CFAP97D2: variants seen among roughly 807,000 people sequenced by gnomAD.
CFAP97D2 encodes uncharacterized protein CFAP97D2.
At chr13:114,212,193 ATTC>A (rs2080970158) in intron 4 of CFAP97D2, 1 of 397,600 alleles carries the variant, frequency 2.5e-6, no homozygotes, top group South Asian at 1.4e-4. Flanking sequence ...GTACTCACTC[ATTC>A]TTTGCCGTAT....
chr13:114,180,645 T>C (rs1406090444), intron 1 of CFAP97D2, among the ~76,000 whole-genome samples: 1 of 152,232 alleles, frequency 6.6e-6, no homozygotes, highest in Non-Finnish European at 1.5e-5. Context: ...CGATGTTCTC[T>C]GCACGTAGAG....
intron 1 of CFAP97D2, among the ~76,000 whole-genome samples, chr13:114,195,132 A>C (rs1274610530): frequency 6.6e-6 from 1 of 152,186 alleles, no homozygotes; most frequent in Non-Finnish European, 1.5e-5. Context: ...GGCATGCTGC[A>C]GGCCCAGGTC....
intron 4 of CFAP97D2, among the ~76,000 whole-genome samples, chr13:114,218,557 C>T (rs1166589246): frequency 1.3e-5 from 2 of 152,084 alleles, no homozygotes; most frequent in Admixed American, 6.5e-5. Flanking sequence ...AAAAAAGAGC[C>T]CACATTGCAA....
chr13:114,180,590 T>C (rs2080828651), intron 1 of CFAP97D2, among the ~76,000 whole-genome samples: 1 of 152,224 alleles, frequency 6.6e-6, no homozygotes, highest in Non-Finnish European at 1.5e-5. Context: ...TGTTCATTAC[T>C]TGTGTTGTTT....
intron 2 of CFAP97D2, chr13:114,199,874 CGATGAG>C (rs1469921387): frequency 0.18 from 1,033 of 5,762 alleles, 448 homozygotes; most frequent in Non-Finnish European, 0.2. Context: ...TTACGGTCCC[CGATGAG>C]GCGTGACGGC....
Position 114,185,895 on chromosome 13 carries a change from C to G in CFAP97D2, c.90+6475C>G, listed in dbSNP as rs191269858. Among the ~76,000 whole-genome samples, 4 of 152,364 alleles carry G rather than the reference C, an allele frequency of 2.6e-5. No individual in the cohort carries two copies. In the East Asian group the frequency reaches 7.7e-4, roughly 29 times the overall value. On this transcript the variant is annotated intron_variant, in intron 1 of 4. Coordinates refer to ENST00000646158, the Ensembl canonical transcript of CFAP97D2. This position sits in a 1 kb window ranked among gnomAD's most constrained non-coding sequence, Gnocchi z 5.2. ...AACAGCAACAGGAGGCAGACGGACTCCTGGGCAGAAGGGGTCAGGTTCCTG... is the reference window on the plus strand; with the variant it reads ...AACAGCAACAGGAGGCAGACGGACTGCTGGGCAGAAGGGGTCAGGTTCCTG...
At chr13:114,210,796 A>G (rs1384051513) in intron 3 of CFAP97D2, among the ~76,000 whole-genome samples, 1 of 151,056 alleles carries the variant, frequency 6.6e-6, no homozygotes, top group East Asian at 2.0e-4. Context: ...CCAGGCTGCC[A>G]ACAGTGCCTC....
rs562469091 is a variant in CFAP97D2, at chr13:114,216,154, C to T, written c.480+4053C>T. ...TGCTGGCTTTGCCCTTGTGAAATCA[C>T]AGCCCCACAGGTGTGCTTCTCCCAG... On this transcript the variant is annotated intron_variant, in intron 4 of 4. Transcript: ENST00000646158. Among the ~76,000 whole-genome samples the T allele has an allele frequency of 7.6e-4, 116 of 152,314 alleles. No individual in the cohort carries two copies. The South Asian group carries it at 8.1e-3, about 11-fold the overall frequency.
chr13:114,193,698 G>T (rs1052974575), intron 1 of CFAP97D2, among the ~76,000 whole-genome samples: 2 of 152,184 alleles, frequency 1.3e-5, no homozygotes, highest in Admixed American at 6.5e-5. Context: ...ATCTTAGACT[G>T]TTTGGGCTGC....
At position 114,203,643 on chromosome 13, in the gene CFAP97D2, A is replaced by T. The variant is rs941177196; in HGVS notation, c.290+3200A>T. Among the ~76,000 whole-genome samples, 1 of 152,212 alleles carries T rather than the reference A, an allele frequency of 6.6e-6. No individual in the cohort carries two copies. Among genetic ancestry groups the T allele is most frequent in the African/African-American group, 2.4e-5 (1 of 41,458 alleles). On this transcript the variant is annotated intron_variant, in intron 3 of 4. Transcript: ENST00000646158. The surrounding 1 kb of genome is among the most constrained non-coding windows in gnomAD (Gnocchi z 4.3). ...AAGAAAAAGAAAACTCAGCAAAGTG[A>T]GATGGAGTCCTGCTAACAGGCTCCC...
chr13:114,183,099 C>A (rs7330717), intron 1 of CFAP97D2, among the ~76,000 whole-genome samples: 1 of 151,846 alleles, frequency 6.6e-6, no homozygotes, highest in South Asian at 2.1e-4. Context: ...AGCTTTAGGA[C>A]GTATCAGTTA....
At chr13:114,205,939 G>C (rs1199578090) in intron 3 of CFAP97D2, among the ~76,000 whole-genome samples, 2 of 152,198 alleles carry the variant, frequency 1.3e-5, no homozygotes, top group African/African-American at 4.8e-5. Flanking sequence ...CCTCTTCCAG[G>C]AAGGAGGCCC....
chr13:114,212,417 C>T (rs1180154081), intron 4 of CFAP97D2, among the ~76,000 whole-genome samples: 3 of 152,176 alleles, frequency 2.0e-5, no homozygotes, highest in African/African-American at 7.2e-5. Context: ...CATACAACAT[C>T]ATTAACATCA....
intron 1 of CFAP97D2, among the ~76,000 whole-genome samples, chr13:114,193,867 G>T (rs952265365): frequency 6.6e-6 from 1 of 152,168 alleles, no homozygotes; most frequent in Non-Finnish European, 1.5e-5. Flanking sequence ...CCTGACCTCA[G>T]ATGATCCATC....
Position 114,203,199 on chromosome 13 carries a change from C to G in CFAP97D2, c.290+2756C>G, listed in dbSNP as rs1225398978. 2.0e-5 allele frequency among the ~76,000 whole-genome samples: 3 copies of G among 152,166 alleles called. No individual in the cohort carries two copies. The highest frequency in any genetic ancestry group is 4.8e-5 in the African/African-American group (2 of 41,444). ...AGGAATGCACTAAAAAGCTGTAGAACTAATCCACAAGTTCAACAAGGTTGC... is the reference window on the plus strand; with the variant it reads ...AGGAATGCACTAAAAAGCTGTAGAAGTAATCCACAAGTTCAACAAGGTTGC... On this transcript the variant is annotated intron_variant, in intron 3 of 4. Coordinates refer to ENST00000646158, the Ensembl canonical transcript of CFAP97D2. The surrounding 1 kb of genome is among the most constrained non-coding windows in gnomAD (Gnocchi z 4.3).
At chr13:114,209,787 C>T (rs1267526055) in intron 3 of CFAP97D2, among the ~76,000 whole-genome samples, 1 of 152,194 alleles carries the variant, frequency 6.6e-6, no homozygotes, top group African/African-American at 2.4e-5. Context: ...AATCTCAAGC[C>T]TTATGATTCC....
At chr13:114,193,027 A>G (rs2080875123) in intron 1 of CFAP97D2, among the ~76,000 whole-genome samples, 1 of 152,222 alleles carries the variant, frequency 6.6e-6, no homozygotes, top group Non-Finnish European at 1.5e-5. Flanking sequence ...GAAAAACACT[A>G]AAAGTGTTCC....
At chr13:114,198,600 C>T (rs985832053) in intron 2 of CFAP97D2, among the ~76,000 whole-genome samples, 2 of 152,384 alleles carry the variant, frequency 1.3e-5, no homozygotes, top group African/African-American at 4.8e-5. Context: ...GCGTTCCAAT[C>T]CATGGGCAAA....
chr13:114,198,430 A>C (rs911479000), intron 2 of CFAP97D2, among the ~76,000 whole-genome samples: 6 of 152,246 alleles, frequency 3.9e-5, no homozygotes, highest in Non-Finnish European at 5.9e-5. Context: ...TCTGGGCTCA[A>C]ATATTCTCTT....
Sources: gnomAD v4.1 joint callset for allele counts (sites outside exome capture counted in the v4.1 genomes callset) on GRCh38, gnomAD v4.1.1 for gene constraint, Gnocchi (gnomAD v3.1) non-coding constraint, MANE v1.5 for transcripts, NCBI Gene and HGNC (gene_info 2026-07-23, HGNC 2026-07-21) for gene names.